Variants in C3 observed in about 807,000 individuals in gnomAD.
C3 encodes C3 and PZP-like alpha-2-macroglobulin domain-containing protein 1.
A neutral mutation model predicts 207.9 loss-of-function variants in C3; 97 were observed. The ratio of observed to expected loss-of-function variants is 0.47; its 90% CI spans 0.40 to 0.55. C3 has a LOEUF of 0.55. Among genes scored for constraint, C3 ranks in the 20% least tolerant of loss-of-function variants. The pLI, the probability that C3 is intolerant of heterozygous loss-of-function variation, is 0.00. For synonymous variants in C3, 848 were observed against 857.6 expected (o/e 0.99, Z 0.20); for missense variants, 1,684 against 2,171.7 (o/e 0.78, Z 4.46).
intron 26 of C3, among the ~76,000 whole-genome samples, chr19:6,691,486 C>T (rs181526041): frequency 4.6e-5 from 7 of 152,204 alleles, no homozygotes; most frequent in South Asian, 4.1e-4. Context: ...CTCTCACAGA[C>T]GGCAGGGATT....
rs1025487568 is a variant in C3 at position 6,694,510 on chromosome 19, C to G, written c.3075G>C (p.Val1025=). The change falls in exon 24 of 41, where the codon GTG becomes GTC. Residue 1025 remains valine, a synonymous_variant. Coordinates refer to ENST00000245907, the MANE Select transcript of C3 (RefSeq NM_000064.4). ...MIGMTPTVIA[V]HYLDETEQWE... is the part of the protein sequence containing the mutation. Reference sequence around the variant, plus strand: ...ACTGCTCCGTTTCATCCAGGTAATGCACAGCGATGACCGTGGGCGTCATGC... The same window carrying G: ...ACTGCTCCGTTTCATCCAGGTAATGGACAGCGATGACCGTGGGCGTCATGC... The G allele has an allele frequency of 2.0e-5, 33 of 1,614,032 alleles. No individual in the cohort carries two copies. The Admixed American group carries it at 5.5e-4, about 27-fold the overall frequency.
chr19:6,694,680 C>G (rs748222328), intron 23 of C3, 46 bp from the exon 24 acceptor site: 2 of 1,579,272 alleles, frequency 1.3e-6, no homozygotes, highest in East Asian at 4.5e-5. Context: ...GGTGGGTGAC[C>G]CACCTTGGGG....
chr19:6,713,823 A>G (rs1320951225), intron 7 of C3, 169 bp downstream of exon 7: 1 of 27,582 alleles, frequency 3.6e-5, no homozygotes, highest in East Asian at 7.4e-4. Context: ...ACCTTGCCCC[A>G]CCCCCAGCCC....
At position 6,685,129 on chromosome 19, in the gene C3, G is replaced by C. The variant is rs1917969725; in HGVS notation, c.3828C>G (p.Phe1276Leu). The change falls in exon 30 of 41, where the codon TTC (phenylalanine) becomes TTG (leucine). Residue 1276 changes from phenylalanine (F) to leucine (L), a missense_variant. Transcript: ENST00000245907. ...YGSTQATFMV[F>L]QALAQYQKDA... is the part of the protein sequence containing the mutation. Reference sequence around the variant, plus strand: ...CCTTTTGGTATTGAGCCAAGGCTTGGAACACCATGAAGGTGGCCTAGAACC... The same window carrying C: ...CCTTTTGGTATTGAGCCAAGGCTTGCAACACCATGAAGGTGGCCTAGAACC... 6.2e-7 allele frequency: 1 copy of C among 1,613,756 alleles called. No homozygotes were observed. The highest frequency in any genetic ancestry group is 1.1e-5 in the South Asian group (1 of 91,036).
chr19:6,717,587 GTGT>G (rs1215086314), intron 4 of C3: 5 of 256,082 alleles, frequency 2.0e-5, no homozygotes, highest in Non-Finnish European at 3.9e-5. Context: ...TGTGTTGTGT[GTGT>G]TGTGTGTTGT....
chr19:6,714,548 A>G, intron 4 of C3, 102 bp from the exon 5 acceptor site: 1 of 832,080 alleles, frequency 1.2e-6, no homozygotes, highest in South Asian at 1.4e-5. Context: ...TTCTCTGTGC[A>G]CAGTGTCTAC....
At chr19:6,705,113 G>C (rs572328975) in intron 17 of C3, among the ~76,000 whole-genome samples, 24 of 152,188 alleles carry the variant, frequency 1.6e-4, no homozygotes, top group African/African-American at 5.3e-4. Context: ...AGTGTCTTGG[G>C]ATAGTAACAT....
intron 17 of C3, chr19:6,702,888 G>T: frequency 5.6e-6 from 2 of 354,438 alleles, no homozygotes; most frequent in South Asian, 4.5e-5. Flanking sequence ...ACAAAAATTA[G>T]CTGGGTGTGG....
chr19:6,709,611 T>TGGCCCCCC, intron 14 of C3, 73 bp downstream of exon 14: 10 of 1,109,422 alleles, frequency 9.0e-6, no homozygotes, highest in Middle Eastern at 2.0e-4. Flanking sequence ...CCCTCTCCAG[T>TGGCCCCCC]CCCACCCACC....
At chr19:6,682,487 CATT>C (rs1917890491) in intron 33 of C3, 1 of 463,216 alleles carries the variant, frequency 2.2e-6, no homozygotes, top group African/African-American at 2.0e-5. Flanking sequence ...ACATTGGATG[CATT>C]ATTTGACCCT....
chr19:6,690,120 C>G (rs898002420), intron 27 of C3, among the ~76,000 whole-genome samples: 4 of 152,200 alleles, frequency 2.6e-5, no homozygotes, highest in African/African-American at 9.6e-5. Context: ...CAACAGTGTT[C>G]ACCGTTTCCT....
chr19:6,720,095 A>G (rs1054926609), intron 1 of C3, among the ~76,000 whole-genome samples: 3 of 152,122 alleles, frequency 2.0e-5, no homozygotes, highest in African/African-American at 7.2e-5. Context: ...TGAACACCAC[A>G]TACACCCTAA....
rs191882174 is a variant in C3, at chr19:6,689,487, C to T, written c.3489+1142G>A. 7.5e-4 allele frequency among the ~76,000 whole-genome samples: 114 copies of T among 151,992 alleles called. 1 individual carries two copies. In the East Asian group the frequency reaches 0.014, roughly 19 times the overall value. ...TCTCTTTTCCTAAGGGGGGAGAAGC[C>T]ACTAGCTGAGGGTGGAATCCTGGGC... On this transcript the variant is annotated intron_variant, in intron 27 of 40. Transcript: ENST00000245907.
At chr19:6,696,034 C>T (rs1396558248) in intron 23 of C3, among the ~76,000 whole-genome samples, 1 of 151,334 alleles carries the variant, frequency 6.6e-6, no homozygotes, top group Non-Finnish European at 1.5e-5. Flanking sequence ...ACGGTGAAAC[C>T]CTGTCTCTAC....
rs1293146606 is a variant in C3 at position 6,707,787 on chromosome 19, G to A, written c.1975+13C>T. The A allele has an allele frequency of 6.8e-6, 11 of 1,612,756 alleles. No homozygotes were observed. The highest frequency in any genetic ancestry group is 3.3e-5 in the Admixed American group (2 of 59,970). The stretch of plus-strand genomic sequence containing the variant: ...CTGTCTGTCCCTGCACCGGCCCCTG[G>A]TGGCGACCTCACCTGCCCTCTGGGC... On this transcript the variant is annotated intron_variant, in intron 15 of 40. Transcript: ENST00000245907.
intron 4 of C3, chr19:6,717,869 T>C (rs1968073983): frequency 1.6e-6 from 1 of 632,776 alleles, no homozygotes; most frequent in Admixed American, 2.3e-5. Flanking sequence ...TGTGTGCACA[T>C]GTGTCTGCAT....
At chr19:6,681,800 A>G in intron 35 of C3, 141 bp downstream of exon 35, 1 of 746,056 alleles carries the variant, frequency 1.3e-6, no homozygotes, top group Non-Finnish European at 2.4e-6. Flanking sequence ...CTTCCCCTAC[A>G]ACTCAGCAGC....
chr19:6,708,689 CTT>C (rs34659937), intron 14 of C3, among the ~76,000 whole-genome samples: 1,643 of 125,986 alleles, frequency 0.013, 31 homozygotes, highest in African/African-American at 0.043. Flanking sequence ...TCTTTCCATT[CTT>C]TTTTTTTTTT....
At chr19:6,690,504 G>T in intron 27 of C3, 125 bp downstream of exon 27, 1 of 767,752 alleles carries the variant, frequency 1.3e-6, no homozygotes, top group Admixed American at 1.8e-5. Context: ...TAACATGACT[G>T]CAGTGATGTC....
Sources: allele counts gnomAD v4.1 joint callset (sites outside exome capture counted in the v4.1 genomes callset), GRCh38; gene constraint gnomAD v4.1.1; transcripts MANE v1.5; gene names NCBI Gene and HGNC (gene_info 2026-07-23, HGNC 2026-07-21).